KIAA1217: variants seen among roughly 807,000 people sequenced by gnomAD.
The protein encoded by KIAA1217 is sickle tail protein homolog.
In KIAA1217, 88 loss-of-function variants were observed where a neutral mutation model predicts 163.9. The ratio of observed to expected loss-of-function variants is 0.54; its 90% CI spans 0.45 to 0.64. The LOEUF (loss-of-function observed/expected upper bound fraction) is 0.64, where lower values mean the gene tolerates loss of function less well. Ranked by LOEUF, KIAA1217 falls within the 30% of genes least tolerant of loss-of-function variation. The probability of loss-of-function intolerance (pLI) is 0.00; values close to 1 mark genes in which losing one functional copy is unlikely to be tolerated. For synonymous variants in KIAA1217, 903 were observed against 923.1 expected (o/e 0.98, Z 0.39); for missense variants, 2,372 against 2,475.0 (o/e 0.96, Z 0.88).
chr10:24,317,514 G>C (rs947714018), intron 2 of KIAA1217, among the ~76,000 whole-genome samples: 3 of 152,166 alleles, frequency 2.0e-5, no homozygotes, highest in African/African-American at 7.2e-5. Flanking sequence ...AGGACAAGGG[G>C]TGATGAGGAA....
chr10:24,328,251 A>G (rs1355376611), intron 2 of KIAA1217, among the ~76,000 whole-genome samples: 3 of 152,164 alleles, frequency 2.0e-5, no homozygotes, highest in Non-Finnish European at 4.4e-5. Flanking sequence ...CAGGGAAGAA[A>G]TGTAACTATG....
At chr10:24,034,701 C>G (rs1848321449) in intron 2 of KIAA1217, among the ~76,000 whole-genome samples, 1 of 152,172 alleles carries the variant, frequency 6.6e-6, no homozygotes, top group African/African-American at 2.4e-5. Flanking sequence ...ACACTGTGCT[C>G]TGGCACCTTA....
intron 2 of KIAA1217, among the ~76,000 whole-genome samples, chr10:24,065,965 C>A (rs985539708): frequency 1.3e-5 from 2 of 151,950 alleles, no homozygotes; most frequent in South Asian, 4.2e-4. Context: ...GGATTGTAAC[C>A]CCTGCCTTTT....
intron 2 of KIAA1217, among the ~76,000 whole-genome samples, chr10:24,227,366 C>T (rs2070731877): frequency 1.3e-5 from 2 of 151,262 alleles, no homozygotes; most frequent in African/African-American, 4.9e-5. Context: ...ACTATGTTGG[C>T]CAGGCTGATC....
chr10:24,301,748 T>A (rs1182626432), intron 2 of KIAA1217, among the ~76,000 whole-genome samples: 1 of 152,212 alleles, frequency 6.6e-6, no homozygotes, highest in Non-Finnish European at 1.5e-5. Flanking sequence ...TAGACTTTAT[T>A]TTTTAGAACG....
chr10:23,830,897 G>A (rs575491274), intron 1 of KIAA1217, among the ~76,000 whole-genome samples: 1 of 151,948 alleles, frequency 6.6e-6, no homozygotes, highest in African/African-American at 2.4e-5. Flanking sequence ...CAAAACAGAT[G>A]TGAAACTGCA....
intron 2 of KIAA1217, among the ~76,000 whole-genome samples, chr10:24,378,081 C>T (rs1041430921): frequency 1.3e-5 from 2 of 151,926 alleles, no homozygotes; most frequent in Non-Finnish European, 2.9e-5. Flanking sequence ...TATTTTTTTT[C>T]TCTGCACTTT....
At chr10:23,891,887 G>A (rs1443345428) in intron 1 of KIAA1217, among the ~76,000 whole-genome samples, 1 of 151,868 alleles carries the variant, frequency 6.6e-6, no homozygotes, top group Non-Finnish European at 1.5e-5. Flanking sequence ...AATAATTTGT[G>A]GTGTTTGTAA....
chr10:24,084,693 G>A (rs932454258), intron 2 of KIAA1217, among the ~76,000 whole-genome samples: 1 of 152,064 alleles, frequency 6.6e-6, no homozygotes, highest in Non-Finnish European at 1.5e-5. Flanking sequence ...ATGAACTGAG[G>A]GAACATTTCC....
intron 1 of KIAA1217, among the ~76,000 whole-genome samples, chr10:23,872,504 A>T (rs1344571943): frequency 6.6e-6 from 1 of 152,100 alleles, no homozygotes; most frequent in Non-Finnish European, 1.5e-5. Flanking sequence ...AGCCTTGCCA[A>T]CACTGCAGAG....
At chr10:24,054,512 C>G (rs1452416996) in intron 2 of KIAA1217, among the ~76,000 whole-genome samples, 1 of 152,170 alleles carries the variant, frequency 6.6e-6, no homozygotes, top group South Asian at 2.1e-4. Flanking sequence ...AAGTATTAAG[C>G]CTTGTGTGCA....
intron 1 of KIAA1217, among the ~76,000 whole-genome samples, chr10:23,848,874 T>C (rs1839170748): frequency 6.6e-6 from 1 of 152,134 alleles, no homozygotes; most frequent in African/African-American, 2.4e-5. Flanking sequence ...TGCAGCACTA[T>C]TTACCTCATC....
chr10:23,937,423 C>T (rs1288598394), intron 1 of KIAA1217, among the ~76,000 whole-genome samples: 1 of 152,124 alleles, frequency 6.6e-6, no homozygotes, highest in Non-Finnish European at 1.5e-5. Context: ...GCTCCAAATT[C>T]CCTGTGGTTG....
chr10:24,236,380 A>G (rs1036167948), intron 2 of KIAA1217, among the ~76,000 whole-genome samples: 3 of 151,988 alleles, frequency 2.0e-5, no homozygotes, highest in African/African-American at 7.2e-5. Flanking sequence ...CCTCCCAAGT[A>G]GTTGGGAATA....
chr10:24,051,788 T>G (rs1849534178), intron 2 of KIAA1217, among the ~76,000 whole-genome samples: 1 of 152,178 alleles, frequency 6.6e-6, no homozygotes, highest in Non-Finnish European at 1.5e-5. Flanking sequence ...TTGCCCACTT[T>G]TTGGTGGGAT....
intron 2 of KIAA1217, among the ~76,000 whole-genome samples, chr10:24,363,628 GT>G (rs1301314085): frequency 6.7e-6 from 1 of 150,022 alleles, no homozygotes; most frequent in Non-Finnish European, 1.5e-5. Flanking sequence ...GCAGCGTGCA[GT>G]GGCACAATCT....
chr10:23,833,358 C>T (rs999512702), intron 1 of KIAA1217, among the ~76,000 whole-genome samples: 1 of 151,950 alleles, frequency 6.6e-6, no homozygotes, highest in Non-Finnish European at 1.5e-5. Context: ...CTGTGATTGC[C>T]TGTAATCACA....
At chr10:24,394,114 C>A (rs1388763100) in intron 3 of KIAA1217, among the ~76,000 whole-genome samples, 3 of 152,208 alleles carry the variant, frequency 2.0e-5, no homozygotes, top group African/African-American at 7.2e-5. Flanking sequence ...CATATAGACT[C>A]CATTTGCACG....
intron 2 of KIAA1217, among the ~76,000 whole-genome samples, chr10:24,093,467 C>A (rs557309328): frequency 6.6e-6 from 1 of 151,204 alleles, no homozygotes; most frequent in African/African-American, 2.5e-5. Context: ...CCACCACTCT[C>A]GGCTCTATTC....
Sources: allele counts gnomAD v4.1 joint callset (sites outside exome capture counted in the v4.1 genomes callset), GRCh38; gene constraint gnomAD v4.1.1; transcripts MANE v1.5; gene names NCBI Gene and HGNC (gene_info 2026-07-23, HGNC 2026-07-21).